Variants in SIRT1 observed in about 807,000 individuals in gnomAD.
SIRT1 encodes sirtuin 1, also known as NAD-dependent protein deacetylase sirtuin-1.
In SIRT1, 24 loss-of-function variants were observed where a neutral mutation model predicts 67.9. The observed-to-expected ratio is 0.35, with a 90% CI of 0.26 to 0.50. The LOEUF (loss-of-function observed/expected upper bound fraction) is 0.50, where lower values mean the gene tolerates loss of function less well. SIRT1 is among the 20% of genes least tolerant of loss of function. The probability of loss-of-function intolerance (pLI) is 0.98; values close to 1 mark genes in which losing one functional copy is unlikely to be tolerated. For synonymous variants in SIRT1, 378 were observed against 350.7 expected, an observed-to-expected ratio of 1.08 and a Z score of -0.87; for missense variants, 873 against 937.2, an observed-to-expected ratio of 0.93 and a Z score of 0.89.
intron 4 of SIRT1, among the ~76,000 whole-genome samples, chr10:67,902,440 A>G (rs1269172390): frequency 1.2e-4 from 19 of 152,264 alleles, no homozygotes; most frequent in Non-Finnish European, 2.8e-4. Flanking sequence ...TGAACATTAT[A>G]TAAAATTTTC....
chr10:67,904,903 CT>C (rs1366017995), intron 4 of SIRT1, among the ~76,000 whole-genome samples: 1 of 150,604 alleles, frequency 6.6e-6, no homozygotes, highest in African/African-American at 2.4e-5. Flanking sequence ...TATGATTTGT[CT>C]TAAAGGTAGT....
intron 7 of SIRT1, 45 bp downstream of exon 7, chr10:67,909,487 C>T (rs1842867947): frequency 6.6e-7 from 1 of 1,525,450 alleles, no homozygotes; most frequent in South Asian, 1.3e-5. Flanking sequence ...TATATAATGT[C>T]ATGGGTTGTG....
At chr10:67,907,795 T>G (rs1047463672) in intron 5 of SIRT1, among the ~76,000 whole-genome samples, 1 of 152,114 alleles carries the variant, frequency 6.6e-6, no homozygotes, top group Non-Finnish European at 1.5e-5. Flanking sequence ...CATCATTATA[T>G]TAGTGTCTCA....
In SIRT1 at chr10:67,917,942, C is replaced by T. The variant is rs200236450; in HGVS notation, c.*1349C>T. ...ATCACTCCTAAATTAATAAAGTATTCCTCTGTTGCTTTAGTATTTATTACA... is the reference window on the plus strand; with the variant it reads ...ATCACTCCTAAATTAATAAAGTATTTCTCTGTTGCTTTAGTATTTATTACA... On this transcript the variant is annotated 3_prime_UTR_variant, in exon 9 of 9. Transcript: ENST00000212015. 100 of 152,468 alleles carry T rather than the reference C, an allele frequency of 6.6e-4. No individual in the cohort carries two copies. Among genetic ancestry groups the T allele is most frequent in the Admixed American group, 3.0e-3 (46 of 15,282 alleles). The allele number at this position is 152,468 out of a possible 1,614,324, so 9.4% of individuals were successfully genotyped here. A position where few individuals can be genotyped will look rare whatever the true frequency, so the allele number is the denominator to read the frequency against.
chr10:67,902,408 G>T (rs899232220), intron 4 of SIRT1, among the ~76,000 whole-genome samples: 2 of 152,160 alleles, frequency 1.3e-5, no homozygotes, highest in Non-Finnish European at 2.9e-5. Context: ...GGAAAAAATT[G>T]AAAGAACTGT....
At chr10:67,900,387 C>A (rs35012098) in intron 4 of SIRT1, among the ~76,000 whole-genome samples, 1 of 152,054 alleles carries the variant, frequency 6.6e-6, no homozygotes, top group East Asian at 1.9e-4. Context: ...TCAGGTGATC[C>A]GCCCACCTTG....
chr10:67,899,617 ATTC>A (rs1842710758), intron 4 of SIRT1, among the ~76,000 whole-genome samples: 1 of 152,212 alleles, frequency 6.6e-6, no homozygotes, highest in East Asian at 1.9e-4. Context: ...ACCATATAAT[ATTC>A]TTGAGAATAA....
At chr10:67,908,815 T>C (rs1842858008) in intron 6 of SIRT1, among the ~76,000 whole-genome samples, 1 of 152,160 alleles carries the variant, frequency 6.6e-6, no homozygotes, top group South Asian at 2.1e-4. Context: ...GGCAGGAGAA[T>C]TATTTGAACT....
intron 4 of SIRT1, chr10:67,906,132 A>T: frequency 7.7e-7 from 1 of 1,292,914 alleles, no homozygotes; most frequent in Non-Finnish European, 9.8e-7. Flanking sequence ...TCTTTTTGCC[A>T]TGTGTATATC....
chr10:67,885,470 T>G, intron 1 of SIRT1: 1 of 1,067,134 alleles, frequency 9.4e-7, no homozygotes, highest in Non-Finnish European at 1.2e-6. Flanking sequence ...ATATTGCTTT[T>G]GTTAGAGCTT....
chr10:67,887,162 G>T (rs1369157053), intron 1 of SIRT1, among the ~76,000 whole-genome samples: 2 of 152,110 alleles, frequency 1.3e-5, no homozygotes, highest in Non-Finnish European at 2.9e-5. Flanking sequence ...GTGAGCCACC[G>T]CTCCCGGCTA....
intron 8 of SIRT1, among the ~76,000 whole-genome samples, chr10:67,914,015 A>G (rs1409640154): frequency 6.6e-6 from 1 of 151,774 alleles, no homozygotes. Context: ...TGAAGAACAA[A>G]GTACTTTATT....
chr10:67,911,845 C>G (rs1377777747), intron 7 of SIRT1, among the ~76,000 whole-genome samples: 3 of 131,458 alleles, frequency 2.3e-5, no homozygotes, highest in Non-Finnish European at 4.7e-5. Context: ...ATGGCATGAT[C>G]TCGGCTCACT....
intron 4 of SIRT1, among the ~76,000 whole-genome samples, chr10:67,902,122 G>A (rs1358731172): frequency 6.6e-6 from 1 of 152,174 alleles, no homozygotes; most frequent in African/African-American, 2.4e-5. Context: ...CCAAGTAGCT[G>A]GGATTACAGG....
Position 67,912,758 on chromosome 10 carries a change from G to T in SIRT1, c.1642G>T (p.Asp548Tyr). The change falls in exon 8 of 9, where the codon GAT becomes TAT. Residue 548 changes from aspartate (D) to tyrosine (Y), a missense_variant. By Grantham distance (160) the Asp-to-Tyr change is radical. Coordinates refer to ENST00000212015, the MANE Select transcript of SIRT1 (RefSeq NM_012238.5). ...SSSPERTSPP[D>Y]SSVIVTLLDQ... is the part of the protein sequence containing the mutation. The stretch of plus-strand genomic sequence containing the variant: ...TTCACCAGAAAGAACTTCACCACCA[G>T]ATTCTTCAGTGATTGTCACACTTTT... 1 of 1,614,128 alleles carries T rather than the reference G, an allele frequency of 6.2e-7. No homozygotes were observed. The highest frequency in any genetic ancestry group is 1.1e-5 in the South Asian group (1 of 91,086).
chr10:67,895,630 T>G (rs1229393557), intron 4 of SIRT1, among the ~76,000 whole-genome samples: 2 of 151,614 alleles, frequency 1.3e-5, no homozygotes, highest in African/African-American at 4.9e-5. Flanking sequence ...TTGGTGAAAT[T>G]TAGATACTTC....
chr10:67,909,948 G>A (rs1842874218), intron 7 of SIRT1, among the ~76,000 whole-genome samples: 1 of 152,232 alleles, frequency 6.6e-6, no homozygotes, highest in African/African-American at 2.4e-5. Context: ...CTGGGCTCAA[G>A]TGATCCTCCT....
rs551880323 is a variant in SIRT1, at chr10:67,904,603, T to C, written c.943-2187T>C. Among the ~76,000 whole-genome samples, 140 of 152,252 alleles carry C rather than the reference T, an allele frequency of 9.2e-4. 1 individual carries two copies. The highest frequency in any genetic ancestry group is 3.1e-3 in the African/African-American group (128 of 41,568). On this transcript the variant is annotated intron_variant, in intron 4 of 8. Coordinates refer to ENST00000212015, the MANE Select transcript of SIRT1 (RefSeq NM_012238.5). ...GCTCACGCCTGTAATCCCAGCACTT[T>C]GTGAGACCAAGGTGGGCGGATCACC... is the stretch of plus-strand genomic sequence containing the variant.
intron 3 of SIRT1, among the ~76,000 whole-genome samples, chr10:67,889,585 C>G (rs1449162811): frequency 6.6e-6 from 1 of 152,108 alleles, no homozygotes; most frequent in Non-Finnish European, 1.5e-5. Flanking sequence ...GTGATTGTGG[C>G]GACTTGACAT....
Sources: allele counts gnomAD v4.1 joint callset (sites outside exome capture counted in the v4.1 genomes callset), GRCh38; gene constraint gnomAD v4.1.1; transcripts MANE v1.5; gene names NCBI Gene and HGNC (gene_info 2026-07-23, HGNC 2026-07-21).